Variants in TRPM3 observed in about 807,000 individuals in gnomAD.
TRPM3 encodes long transient receptor potential channel 3.
Under a neutral mutation model 181.2 loss-of-function variants are expected in TRPM3, and 77 were observed. The observed-to-expected ratio is 0.42, with a 90% CI of 0.35 to 0.51. The LOEUF is 0.51. Among genes scored for constraint, TRPM3 ranks in the 20% least tolerant of loss-of-function variants. The probability of loss-of-function intolerance (pLI) is 0.01; values close to 1 mark genes in which losing one functional copy is unlikely to be tolerated. For synonymous variants in TRPM3, 745 were observed against 796.4 expected (o/e 0.94, Z 1.09); for missense variants, 1,759 against 2,196.7 (o/e 0.80, Z 3.98).
chr9:71,236,237 C>G (rs563484662), intron 1 of TRPM3, among the ~76,000 whole-genome samples: 1 of 152,250 alleles, frequency 6.6e-6, no homozygotes, highest in South Asian at 2.1e-4. Flanking sequence ...CACAACTTTC[C>G]CCATGTATGG....
chr9:71,398,681 T>A (rs1384137411), intron 1 of TRPM3, among the ~76,000 whole-genome samples: 1 of 152,204 alleles, frequency 6.6e-6, no homozygotes, highest in Non-Finnish European at 1.5e-5. Flanking sequence ...CCTGTACAGC[T>A]TCTGGAACTG....
chr9:70,564,231 T>C (rs2049940053), intron 22 of TRPM3, among the ~76,000 whole-genome samples: 1 of 152,220 alleles, frequency 6.6e-6, no homozygotes, highest in African/African-American at 2.4e-5. Flanking sequence ...TCTTTCCTTC[T>C]TCAAACCAAA....
At chr9:70,650,506 A>C (rs893721961) in intron 9 of TRPM3, among the ~76,000 whole-genome samples, 2 of 152,230 alleles carry the variant, frequency 1.3e-5, no homozygotes, top group Non-Finnish European at 2.9e-5. Context: ...TTCAATATCT[A>C]GATCAAGTTT....
chr9:70,615,850 T>G, intron 18 of TRPM3, 58 bp downstream of exon 18: 1 of 1,515,036 alleles, frequency 6.6e-7, no homozygotes, highest in South Asian at 1.3e-5. Context: ...AGCATATCGG[T>G]GGGACAAGTG....
chr9:70,925,422 A>G (rs1289593298), intron 1 of TRPM3, among the ~76,000 whole-genome samples: 2 of 152,126 alleles, frequency 1.3e-5, no homozygotes, highest in Admixed American at 6.6e-5. Flanking sequence ...AGGCTGTGGG[A>G]GTCAGAGGTG....
At chr9:71,391,872 T>C (rs531448951) in intron 1 of TRPM3, among the ~76,000 whole-genome samples, 2 of 152,216 alleles carry the variant, frequency 1.3e-5, no homozygotes, top group Non-Finnish European at 2.9e-5. Context: ...TTTAAGCAGC[T>C]ATTAAATCAC....
At chr9:70,855,922 A>G (rs745479175) in intron 3 of TRPM3, among the ~76,000 whole-genome samples, 22 of 152,198 alleles carry the variant, frequency 1.4e-4, no homozygotes, top group Admixed American at 2.6e-4. Context: ...CTGTCATCAA[A>G]TCCCTAGTTT....
chr9:71,165,996 T>A (rs10746862), intron 1 of TRPM3, among the ~76,000 whole-genome samples: 1 of 151,894 alleles, frequency 6.6e-6, no homozygotes, highest in Admixed American at 6.6e-5. Flanking sequence ...CAATACACTC[T>A]TGATGAAAAT....
chr9:70,787,763 C>CTTTTTTTTTTTTTTTTTGTT (rs2084047275), intron 6 of TRPM3, among the ~76,000 whole-genome samples: 1 of 68,558 alleles, frequency 1.5e-5, no homozygotes, highest in Non-Finnish European at 2.6e-5. Context: ...TTTTTGGATT[C>CTTTTTTTTTTTTTTTTTGTT]TTTTTTTTTT....
chr9:71,015,718 T>C (rs2097778905), intron 1 of TRPM3, among the ~76,000 whole-genome samples: 1 of 152,186 alleles, frequency 6.6e-6, no homozygotes, highest in Non-Finnish European at 1.5e-5. Context: ...CGTTCTTTTT[T>C]ATAATAGGGT....
rs1002162437 is a variant in TRPM3 at position 70,798,973 on chromosome 9, G to A, written c.974-14694C>T. On this transcript the variant is annotated intron_variant, in intron 6 of 25. Coordinates refer to ENST00000677713, the MANE Select transcript of TRPM3 (RefSeq NM_001366145.2). The stretch of plus-strand genomic sequence containing the variant: ...AAAGAGCCCAGATTCTTAGGGACTC[G>A]AACAGCCAATTTCAGTTCAGCTGTC... Among the ~76,000 whole-genome samples the A allele has an allele frequency of 3.9e-5, 6 of 152,152 alleles. No individual in the cohort carries two copies. In the South Asian group the frequency reaches 6.2e-4, roughly 16 times the overall value.
chr9:70,933,000 G>A (rs2096790367), intron 1 of TRPM3, among the ~76,000 whole-genome samples: 1 of 152,134 alleles, frequency 6.6e-6, no homozygotes, highest in South Asian at 2.1e-4. Flanking sequence ...AAGATTTGAT[G>A]ATGTGTTGAT....
In TRPM3 at chr9:70,563,636, T is replaced by G. The variant is rs571374830; in HGVS notation, c.3224-10326A>C. 7.2e-5 allele frequency among the ~76,000 whole-genome samples: 11 copies of G among 152,292 alleles called. No individual in the cohort carries two copies. The East Asian group carries it at 1.5e-3, about 21-fold the overall frequency. On this transcript the variant is annotated intron_variant, in intron 22 of 25. Coordinates refer to ENST00000677713, the MANE Select transcript of TRPM3 (RefSeq NM_001366145.2). ...CAGAGACTTAAGTTAGATGATGGCA[T>G]GTACTTAAAGAACATATAGAGCCTG...
chr9:70,925,086 A>G lies in TRPM3; in HGVS notation c.178-60575T>C, dbSNP rs1564775367. ...GTCAGTCAAGAGTTTTGGCTTTCAC[A>G]TTCTCCAGTACTTGGCTAACATGTA... On this transcript the variant is annotated intron_variant, in intron 1 of 25. Transcript: ENST00000677713. 2.6e-5 allele frequency among the ~76,000 whole-genome samples: 4 copies of G among 152,154 alleles called. No individual in the cohort carries two copies. In the South Asian group the frequency reaches 8.3e-4, roughly 31 times the overall value.
intron 1 of TRPM3, among the ~76,000 whole-genome samples, chr9:71,440,461 C>T (rs1414124387): frequency 1.3e-5 from 2 of 152,194 alleles, no homozygotes; most frequent in Non-Finnish European, 2.9e-5. Context: ...TATTATTGCC[C>T]TCTTTCCAAA....
chr9:71,242,201 G>A (rs1226496716), intron 1 of TRPM3, among the ~76,000 whole-genome samples: 3 of 152,160 alleles, frequency 2.0e-5, no homozygotes, highest in South Asian at 2.1e-4. Context: ...CCTATGACAC[G>A]GACAAGAAGC....
chr9:70,919,107 CCT>C (rs1307663881), intron 1 of TRPM3, among the ~76,000 whole-genome samples: 1 of 152,078 alleles, frequency 6.6e-6, no homozygotes, highest in Non-Finnish European at 1.5e-5. Flanking sequence ...CATCCTATTC[CCT>C]GTCCTGTTAA....
intron 1 of TRPM3, among the ~76,000 whole-genome samples, chr9:71,327,638 A>G (rs1272222766): frequency 6.6e-6 from 1 of 152,252 alleles, no homozygotes; most frequent in Admixed American, 6.5e-5. Context: ...TAAATAACAT[A>G]GTCTGGTTTT....
intron 1 of TRPM3, among the ~76,000 whole-genome samples, chr9:71,278,790 T>C (rs2084429270): frequency 6.6e-6 from 1 of 152,056 alleles, no homozygotes; most frequent in Admixed American, 6.5e-5. Context: ...AGAGGGTTAA[T>C]GATGACATAT....
Sources: allele counts gnomAD v4.1 joint callset (sites outside exome capture counted in the v4.1 genomes callset), GRCh38; gene constraint gnomAD v4.1.1; transcripts MANE v1.5; gene names NCBI Gene and HGNC (gene_info 2026-07-23, HGNC 2026-07-21).